Variants in RAD50 observed in about 807,000 individuals in gnomAD.
RAD50 encodes DNA repair protein RAD50.
In RAD50, 132 loss-of-function variants were observed where a neutral mutation model predicts 168.8. The ratio of observed to expected loss-of-function variants is 0.78; its 90% confidence interval spans 0.68 to 0.90. The LOEUF is 0.90. Ranked by LOEUF, RAD50 falls within the 40% of genes least tolerant of loss-of-function variation. The pLI is 0.00. For synonymous variants in RAD50, 525 were observed against 497.4 expected, an observed-to-expected ratio of 1.06 and a Z score of -0.74; for missense variants, 1,347 against 1,534.4, an observed-to-expected ratio of 0.88 and a Z score of 2.04.
rs786203127 is a variant in RAD50 at position 132,642,192 on chromosome 5, G to C, written c.3767G>C (p.Arg1256Pro). Residue 1256 changes from arginine to proline, a missense_variant, in exon 25 of 25, where the codon CGC becomes CCC. Transcript: ENST00000378823. ...AHALVEIIKS[R>P]SQQRNFQLLV... ...TATTGTTGCAGGATAATAAAAAGTCGCTCACAGCAGCGTAACTTCCAGCTT... is the reference window on the plus strand; with the variant it reads ...TATTGTTGCAGGATAATAAAAAGTCCCTCACAGCAGCGTAACTTCCAGCTT... The C allele has an allele frequency of 6.2e-7, 1 of 1,613,796 alleles. No individual in the cohort carries two copies. The highest frequency in any genetic ancestry group is 8.5e-7 in the Non-Finnish European group (1 of 1,179,796).
chr5:132,632,712 A>C (rs1751498827), intron 21 of RAD50, among the ~76,000 whole-genome samples: 1 of 152,244 alleles, frequency 6.6e-6, no homozygotes, highest in Admixed American at 6.5e-5. Context: ...AAATGGAGTT[A>C]CTGGCTCAGA....
chr5:132,614,495 A>G (rs1414041749), intron 19 of RAD50, among the ~76,000 whole-genome samples: 1 of 151,862 alleles, frequency 6.6e-6, no homozygotes, highest in Non-Finnish European at 1.5e-5. Flanking sequence ...GATTGGTTCC[A>G]GGATCCCCCG....
rs876658662 is a variant in RAD50, at chr5:132,608,641, G to C, written c.2745G>C (p.Leu915Phe). The C allele has an allele frequency of 1.3e-6, 2 of 1,596,044 alleles. No individual in the cohort carries two copies. The highest frequency in any genetic ancestry group is 2.0e-4 in the Middle Eastern group (1 of 5,086). The stretch of plus-strand genomic sequence containing the variant: ...ATGCTAAAGAGCAGGTAAGCCCTTT[G>C]GAAACAACATTGGAAAAGTTCCAGC... ...IKDAKEQVSPLETTLEKFQQE... is the reference protein window; with the variant it reads ...IKDAKEQVSPFETTLEKFQQE... Residue 915 changes from leucine to phenylalanine, a missense_variant, in exon 17 of 25, where the codon TTG becomes TTC. Leu to Phe is a conservative substitution (Grantham distance 22, BLOSUM62 0). Around this residue, in one of 3 missense-constraint regions of RAD50, gnomAD observed 635 missense variants for 739.2 expected, o/e 0.86. Coordinates refer to ENST00000378823, the MANE Select transcript of RAD50 (RefSeq NM_005732.4).
intron 2 of RAD50, 129 bp from the exon 3 acceptor site, chr5:132,575,648 A>G: frequency 1.2e-6 from 1 of 847,568 alleles, no homozygotes; most frequent in East Asian, 2.6e-5. Context: ...GCATGTAAAA[A>G]TATCACTCAT....
At chr5:132,638,959 A>C (rs967437720) in intron 23 of RAD50, among the ~76,000 whole-genome samples, 1 of 152,244 alleles carries the variant, frequency 6.6e-6, no homozygotes, top group Admixed American at 6.5e-5. Context: ...ACACTTGATA[A>C]CACCTCTAGG....
intron 2 of RAD50, among the ~76,000 whole-genome samples, chr5:132,574,523 G>A (rs1580984112): frequency 6.6e-6 from 1 of 152,178 alleles, no homozygotes; most frequent in African/African-American, 2.4e-5. Context: ...ACATGCCCCT[G>A]GAGACATTTT....
chr5:132,558,537 C>T (rs895444559), intron 1 of RAD50, among the ~76,000 whole-genome samples: 13 of 151,528 alleles, frequency 8.6e-5, no homozygotes, highest in Non-Finnish European at 1.6e-4. Flanking sequence ...GTGGCGAAAC[C>T]CCATCTCTAA....
chr5:132,603,936 T>A lies in RAD50; in HGVS notation c.2414T>A (p.Val805Asp), dbSNP rs2149847238. The A allele has an allele frequency of 1.2e-6, 2 of 1,605,866 alleles. No homozygotes were observed. Among genetic ancestry groups the A allele is most frequent in the Non-Finnish European group, 1.7e-6 (2 of 1,172,766 alleles). ...ATTCTTAAGATGGAACTTAAAGATG[T>A]TGAAAGAAAAATTGCACAACAAGCA... is the stretch of plus-strand genomic sequence containing the variant. Reference protein sequence around the residue: ...MERFQMELKDVERKIAQQAAK... With the variant: ...MERFQMELKDDERKIAQQAAK... Residue 805 changes from valine (V) to aspartate (D), a missense_variant, in exon 15 of 25, where the codon GTT becomes GAT. By Grantham distance (152) the Val-to-Asp change is radical. Transcript: ENST00000378823.
In RAD50 at chr5:132,557,362, G is replaced by C. The variant is rs1750020062; in HGVS notation, c.38G>C (p.Arg13Pro). 6.2e-7 allele frequency: 1 copy of C among 1,614,006 alleles called. No individual in the cohort carries two copies. The highest frequency in any genetic ancestry group is 1.3e-5 in the African/African-American group (1 of 74,936). ...GAAAAGATGAGCATTCTGGGCGTGC[G>C]GAGTTTTGGAATAGAGGACAAAGAT... ...RIEKMSILGVRSFGIEDKDKQ... is the reference protein window; with the variant it reads ...RIEKMSILGVPSFGIEDKDKQ... The change falls in exon 1 of 25, where the codon CGG becomes CCG. Residue 13 changes from arginine (R) to proline (P), a missense_variant. Physicochemically the swap from Arg to Pro is moderately radical, Grantham distance 103. Transcript: ENST00000378823.
chr5:132,634,684 G>A (rs1259725395), intron 21 of RAD50, among the ~76,000 whole-genome samples: 1 of 152,044 alleles, frequency 6.6e-6, no homozygotes, highest in Non-Finnish European at 1.5e-5. Context: ...TTTGATGCTT[G>A]CTGTGGATAT....
In RAD50 at chr5:132,640,793, A is replaced by G. The variant is rs1397349878; in HGVS notation, c.3740A>G (p.His1247Arg). The change falls in exon 24 of 25, where the codon CAT (histidine) becomes CGT (arginine). Residue 1247 changes from histidine (H) to arginine (R), a missense_variant. This residue lies in a region of RAD50 where 635 missense variants were observed against 739.2 expected (regional missense o/e 0.86). Coordinates refer to ENST00000378823, the MANE Select transcript of RAD50 (RefSeq NM_005732.4). ...LDRENIESLAHALVEIIKSRS... is the reference protein window; with the variant it reads ...LDRENIESLARALVEIIKSRS... ...CGAGAAAACATTGAATCTCTTGCAC[A>G]TGCTCTGGTTGAGTAAGTATCTCTT... is the stretch of plus-strand genomic sequence containing the variant. The G allele has an allele frequency of 3.7e-6, 6 of 1,613,190 alleles. No homozygotes were observed. The highest frequency in any genetic ancestry group is 5.1e-6 in the Non-Finnish European group (6 of 1,179,474).
intron 23 of RAD50, 81 bp from the exon 24 acceptor site, chr5:132,640,591 A>G (rs2149865359): frequency 6.3e-7 from 1 of 1,591,908 alleles, no homozygotes; most frequent in East Asian, 2.2e-5. Flanking sequence ...TTCCCTGCTG[A>G]AAAGATCATG....
intron 2 of RAD50, among the ~76,000 whole-genome samples, chr5:132,559,936 A>G (rs1191668981): frequency 3.3e-5 from 5 of 152,174 alleles, no homozygotes; most frequent in African/African-American, 7.2e-5. Flanking sequence ...TCATGATAAA[A>G]ATCTTTGTGT....
Position 132,609,127 on chromosome 5 carries a change from T to C in RAD50, c.2840T>C (p.Ile947Thr), listed in dbSNP as rs150401251. ...NKIAQDKLND[I>T]KEKVKNIHGY... The stretch of plus-strand genomic sequence containing the variant: ...AATATTTTTCTACAGCTGAATGATA[T>C]TAAAGAGAAGGTTAAAAATATTCAT... Residue 947 changes from isoleucine (I) to threonine (T), a missense_variant, in exon 18 of 25, where the codon ATT becomes ACT. Ile to Thr is a moderately conservative substitution (Grantham distance 89). This residue lies in a region of RAD50 where 635 missense variants were observed against 739.2 expected (regional missense o/e 0.86). Coordinates refer to ENST00000378823, the MANE Select transcript of RAD50 (RefSeq NM_005732.4). The C allele has an allele frequency of 9.4e-5, 152 of 1,611,322 alleles. 1 individual carries two copies. The highest frequency in any genetic ancestry group is 1.2e-4 in the Non-Finnish European group (145 of 1,178,988).
chr5:132,565,752 C>T (rs1044638890), intron 2 of RAD50, among the ~76,000 whole-genome samples: 1 of 152,172 alleles, frequency 6.6e-6, no homozygotes, highest in Non-Finnish European at 1.5e-5. Flanking sequence ...GCCCCCTTCT[C>T]ATCATTATCA....
intron 21 of RAD50, among the ~76,000 whole-genome samples, chr5:132,626,403 C>T (rs1387853656): frequency 1.3e-5 from 2 of 152,030 alleles, no homozygotes; most frequent in African/African-American, 2.4e-5. Context: ...GATTTTGAGT[C>T]CTGACTGAAG....
At chr5:132,593,783 G>A (rs1156314079) in intron 11 of RAD50, among the ~76,000 whole-genome samples, 2 of 152,194 alleles carry the variant, frequency 1.3e-5, no homozygotes, top group East Asian at 3.9e-4. Context: ...CCTTGAGAGA[G>A]TTATGCAAAG....
intron 2 of RAD50, among the ~76,000 whole-genome samples, chr5:132,568,516 G>A (rs1255057228): frequency 6.6e-6 from 1 of 152,124 alleles, no homozygotes; most frequent in Admixed American, 6.5e-5. Flanking sequence ...ATCACAAGCA[G>A]CATAAACATA....
chr5:132,590,160 T>C (rs960899951), intron 9 of RAD50, among the ~76,000 whole-genome samples: 1 of 152,182 alleles, frequency 6.6e-6, no homozygotes, highest in Admixed American at 6.5e-5. Flanking sequence ...CTAATTCTTA[T>C]GAGCACCTTG....
Sources: allele counts gnomAD v4.1 joint callset (sites outside exome capture counted in the v4.1 genomes callset), GRCh38; gene constraint gnomAD v4.1.1; regional missense constraint gnomAD v4.1.1; transcripts MANE v1.5; gene names NCBI Gene and HGNC (gene_info 2026-07-23, HGNC 2026-07-21).